Variants in LSAMP observed in about 807,000 individuals in gnomAD.
LSAMP encodes limbic system associated membrane protein.
A neutral mutation model predicts 38.6 loss-of-function variants in LSAMP; 7 were observed. That is an observed-to-expected ratio of 0.18 (90% CI 0.10 to 0.34). The LOEUF is 0.34. LSAMP is among the 10% of genes least tolerant of loss of function. The probability of loss-of-function intolerance (pLI) is 1.00; values close to 1 mark genes in which losing one functional copy is unlikely to be tolerated. For synonymous variants in LSAMP, 154 were observed against 166.8 expected, an observed-to-expected ratio of 0.92 and a Z score of 0.59; for missense variants, 313 against 420.0, an observed-to-expected ratio of 0.75 and a Z score of 2.23.
chr3:116,072,272 G>A (rs982438636), intron 2 of LSAMP, among the ~76,000 whole-genome samples: 1 of 152,060 alleles, frequency 6.6e-6, no homozygotes, highest in Non-Finnish European at 1.5e-5. Flanking sequence ...ACCGCGCCCC[G>A]CCAGCATATT....
chr3:116,366,498 T>C (rs950196527), intron 1 of LSAMP, among the ~76,000 whole-genome samples: 3 of 152,226 alleles, frequency 2.0e-5, no homozygotes, highest in Non-Finnish European at 2.9e-5. Context: ...TCAGTGGTTC[T>C]TTGTGCCACT....
intron 1 of LSAMP, among the ~76,000 whole-genome samples, chr3:116,287,349 G>C (rs35645830): frequency 6.6e-6 from 1 of 152,000 alleles, no homozygotes; most frequent in Admixed American, 6.6e-5. Flanking sequence ...ATGAGAAGAC[G>C]CACTCCCAAG....
chr3:116,315,384 T>C (rs1320947568), intron 1 of LSAMP, among the ~76,000 whole-genome samples: 1 of 152,184 alleles, frequency 6.6e-6, no homozygotes, highest in Admixed American at 6.5e-5. Flanking sequence ...CCACAGCATG[T>C]GGCACAATTA....
intron 1 of LSAMP, among the ~76,000 whole-genome samples, chr3:116,150,720 G>GA (rs1709591119): frequency 6.6e-6 from 1 of 151,938 alleles, no homozygotes; most frequent in Non-Finnish European, 1.5e-5. Flanking sequence ...TGAAGGGCTG[G>GA]AAAATGCCCT....
intron 1 of LSAMP, among the ~76,000 whole-genome samples, chr3:116,100,462 A>G (rs1708320623): frequency 6.6e-6 from 1 of 152,176 alleles, no homozygotes; most frequent in Non-Finnish European, 1.5e-5. Context: ...TTTTTAAAAA[A>G]TTATTTAAAC....
chr3:116,007,076 T>C (rs1559917616), intron 3 of LSAMP, among the ~76,000 whole-genome samples: 1 of 152,234 alleles, frequency 6.6e-6, no homozygotes, highest in Non-Finnish European at 1.5e-5. Context: ...CTGATTTGCA[T>C]TGATATTTGC....
chr3:115,894,653 A>T (rs1048408292), intron 3 of LSAMP, among the ~76,000 whole-genome samples: 3 of 152,026 alleles, frequency 2.0e-5, no homozygotes, highest in Admixed American at 6.6e-5. Context: ...CTGATAACAT[A>T]TTTTTTTCCA....
At chr3:116,342,990 ATTATGTG>A (rs1215455128) in intron 1 of LSAMP, among the ~76,000 whole-genome samples, 1 of 152,134 alleles carries the variant, frequency 6.6e-6, no homozygotes, top group African/African-American at 2.4e-5. Context: ...TAGTTGTTCC[ATTATGTG>A]TTAAGTATTT....
intron 3 of LSAMP, among the ~76,000 whole-genome samples, chr3:115,907,389 A>T (rs539969440): frequency 6.6e-6 from 1 of 152,144 alleles, no homozygotes; most frequent in Non-Finnish European, 1.5e-5. Flanking sequence ...TGTTTGCCCC[A>T]TTCCACAAGT....
intron 1 of LSAMP, among the ~76,000 whole-genome samples, chr3:116,431,917 G>T (rs935072014): frequency 6.6e-6 from 1 of 151,894 alleles, no homozygotes; most frequent in African/African-American, 2.4e-5. Flanking sequence ...TTCAGCTAAG[G>T]CAGCATTAAT....
At position 116,444,918 on chromosome 3, in the gene LSAMP, C is replaced by G. The variant is rs771939245; in HGVS notation, c.114G>C (p.Thr38=). ...PVRSVDFNRG[T]DNITVRQGDT... ...CCCCCTGCCTCACGGTGATGTTGTC[C>G]GTGCCTCGGTTAAAATCCACGCTGC... The change falls in exon 1 of 7, where the codon ACG becomes ACC. Residue 38 remains threonine, a synonymous_variant. Coordinates refer to ENST00000490035, the MANE Select transcript of LSAMP (RefSeq NM_002338.5). 4 of 1,614,056 alleles carry G rather than the reference C, an allele frequency of 2.5e-6. No individual in the cohort carries two copies. In the South Asian group the frequency reaches 4.4e-5, roughly 18 times the overall value.
chr3:116,164,651 A>AATATAT lies in LSAMP; in HGVS notation c.156-78101_156-78096dup, dbSNP rs1379641336. ...CAAATATATATATATATATAATCCA[A>AATATAT]ATATATATATATAATCCAAATATAT... On this transcript the variant is annotated intron_variant, in intron 1 of 6. Transcript: ENST00000490035. Among the ~76,000 whole-genome samples, 40 of 91,888 alleles carry AATATAT rather than the reference A, an allele frequency of 4.4e-4. 1 individual carries two copies. The highest frequency in any genetic ancestry group is 1.5e-3 in the African/African-American group (38 of 25,346). The allele number at this position is 91,888 out of a possible 152,430, so 60.3% of individuals were successfully genotyped here.
intron 3 of LSAMP, among the ~76,000 whole-genome samples, chr3:116,015,140 T>C (rs1331196144): frequency 3.3e-5 from 5 of 152,172 alleles, no homozygotes; most frequent in African/African-American, 4.8e-5. Flanking sequence ...GGTTTGTGGC[T>C]GAAAAAGAAA....
At chr3:116,140,127 G>A (rs937327869) in intron 1 of LSAMP, among the ~76,000 whole-genome samples, 1 of 151,918 alleles carries the variant, frequency 6.6e-6, no homozygotes, top group African/African-American at 2.4e-5. Context: ...AAGTCTTATG[G>A]CATGACAGAA....
rs1219296323 is a variant in LSAMP, at chr3:116,232,699, C to CTTTTTTTTTTTTTTT, written c.156-146158_156-146144dup. On this transcript the variant is annotated intron_variant, in intron 1 of 6. Transcript: ENST00000490035. ...TTAATTTTCTTTTCTTTCTTTCTTT[C>CTTTTTTTTTTTTTTT]TTTTTTTTTTTTTTTTTCCAGCAGG... Among the ~76,000 whole-genome samples, 23 of 99,424 alleles carry CTTTTTTTTTTTTTTT rather than the reference C, an allele frequency of 2.3e-4. 2 individuals are homozygous for CTTTTTTTTTTTTTTT. The highest frequency in any genetic ancestry group is 4.4e-4 in the South Asian group (1 of 2,256). 65.2% of individuals were successfully genotyped at this position (99,424 alleles called of 152,430 possible). A position where few individuals can be genotyped will look rare whatever the true frequency, so the allele number is the denominator to read the frequency against.
At position 115,852,467 on chromosome 3, in the gene LSAMP, C is replaced by T. The variant is rs1317665422; in HGVS notation, c.649+16G>A. 6.3e-7 allele frequency: 1 copy of T among 1,599,374 alleles called. No homozygotes were observed. The highest frequency in any genetic ancestry group is 1.3e-5 in the African/African-American group (1 of 74,202). ...ACCCTGGGCACCTAGCACCTGCTGG[C>T]TCCTGCCGTACTCACAGTTCACAGT... is the stretch of plus-strand genomic sequence containing the variant. On this transcript the variant is annotated intron_variant, in intron 4 of 6. Coordinates refer to ENST00000490035, the MANE Select transcript of LSAMP (RefSeq NM_002338.5).
intron 1 of LSAMP, among the ~76,000 whole-genome samples, chr3:116,370,900 G>A (rs1364263210): frequency 2.6e-5 from 4 of 152,036 alleles, no homozygotes; most frequent in Admixed American, 6.6e-5. Context: ...TGAGGACATC[G>A]CTACTGATTC....
chr3:116,193,446 A>G (rs1710802474), intron 1 of LSAMP, among the ~76,000 whole-genome samples: 1 of 152,232 alleles, frequency 6.6e-6, no homozygotes, highest in Non-Finnish European at 1.5e-5. Context: ...TTTGAAAAGC[A>G]GGATACCATT....
At chr3:116,356,674 G>A (rs2048227092) in intron 1 of LSAMP, among the ~76,000 whole-genome samples, 1 of 152,136 alleles carries the variant, frequency 6.6e-6, no homozygotes, top group South Asian at 2.1e-4. Flanking sequence ...AACATCATAT[G>A]CCTGTAAAAA....
Sources: allele counts gnomAD v4.1 joint callset (sites outside exome capture counted in the v4.1 genomes callset), GRCh38; gene constraint gnomAD v4.1.1; transcripts MANE v1.5; gene names NCBI Gene and HGNC (gene_info 2026-07-23, HGNC 2026-07-21).